LRIG3: variants seen among roughly 807,000 people sequenced by gnomAD.
LRIG3 encodes the protein leucine-rich repeats and immunoglobulin-like domains protein 3.
A neutral mutation model predicts 114.5 loss-of-function variants in LRIG3; 76 were observed. The observed-to-expected ratio is 0.66, with a 90% CI of 0.55 to 0.80. The LOEUF is 0.80. LRIG3 is among the 30% of genes least tolerant of loss of function. The probability of loss-of-function intolerance (pLI) is 0.00; values close to 1 mark genes in which losing one functional copy is unlikely to be tolerated. For missense variants in LRIG3, 1,239 were observed against 1,382.8 expected, an observed-to-expected ratio of 0.90 and a Z score of 1.65; for synonymous variants, 512 against 519.8, an observed-to-expected ratio of 0.98 and a Z score of 0.20.
intron 3 of LRIG3, among the ~76,000 whole-genome samples, chr12:58,904,712 A>T (rs537694757): frequency 2.6e-5 from 4 of 152,184 alleles, no homozygotes; most frequent in African/African-American, 9.6e-5. Flanking sequence ...AAAGTTACCC[A>T]TATATATTAA....
rs1209169079 is a variant in LRIG3 at position 58,872,780 on chromosome 12, T to A, written c.3152A>T (p.Asp1051Val). The A allele has an allele frequency of 6.2e-7, 1 of 1,614,030 alleles. No individual in the cohort carries two copies. Among genetic ancestry groups the A allele is most frequent in the Non-Finnish European group, 8.5e-7 (1 of 1,179,918 alleles). ...TGGCTGTCCAAAGCTTGAATAGGCA[T>A]CTAGGTGAGGTCTCCTGAGAGCTTT... ...FGKALRRPHL[D>V]AYSSFGQPSD... Residue 1051 changes from aspartate (D) to valine (V), a missense_variant, in exon 19 of 19, where the codon GAT (aspartate) becomes GTT (valine). Physicochemically the swap from Asp to Val is radical, Grantham distance 152. Transcript: ENST00000320743.
intron 3 of LRIG3, among the ~76,000 whole-genome samples, chr12:58,909,886 C>G (rs1872213020): frequency 6.6e-6 from 1 of 152,212 alleles, no homozygotes; most frequent in Non-Finnish European, 1.5e-5. Context: ...TTATCTGCCC[C>G]TCTAAACCAT....
Position 58,884,510 on chromosome 12 carries a change from C to T in LRIG3, c.1245-919G>A, listed in dbSNP as rs144748447. On this transcript the variant is annotated intron_variant, in intron 10 of 18. Transcript: ENST00000320743. The stretch of plus-strand genomic sequence containing the variant: ...ATACTCCACTGATCCACTAATTCCA[C>T]GTTCCCAGAAACGGAATGGGCCAAA... Among the ~76,000 whole-genome samples the T allele has an allele frequency of 2.4e-3, 368 of 152,336 alleles. 1 individual carries two copies. Among genetic ancestry groups the T allele is most frequent in the Non-Finnish European group, 3.8e-3 (257 of 68,026 alleles).
In LRIG3 at chr12:58,877,621, G is replaced by T; in HGVS notation, c.2315C>A (p.Thr772Asn). The change falls in exon 15 of 19, where the codon ACC becomes AAC. Residue 772 changes from threonine to asparagine, a missense_variant. By Grantham distance (65) the Thr-to-Asn change is moderately conservative. Transcript: ENST00000320743. Reference sequence around the variant, plus strand: ...CACGTTTCCTCTCTCAGTGCCAAGGGTGTTAGACATCTCACATGTGTATTT... The same window carrying T: ...CACGTTTCCTCTCTCAGTGCCAAGGTTGTTAGACATCTCACATGTGTATTT... ...AGKYTCEMSN[T>N]LGTERGNVRL... is the part of the protein sequence containing the mutation. 1 of 1,614,204 alleles carries T rather than the reference G, an allele frequency of 6.2e-7. No individual in the cohort carries two copies. The highest frequency in any genetic ancestry group is 1.1e-5 in the South Asian group (1 of 91,086).
intron 3 of LRIG3, among the ~76,000 whole-genome samples, chr12:58,910,987 T>G (rs1443268082): frequency 1.4e-5 from 2 of 147,630 alleles, no homozygotes; most frequent in Non-Finnish European, 2.9e-5. Context: ...TTCCAAAGAC[T>G]ATTCCACTTC....
At chr12:58,919,316 G>T in intron 1 of LRIG3, 1 of 1,460,926 alleles carries the variant, frequency 6.8e-7, no homozygotes, top group South Asian at 1.3e-5. Flanking sequence ...AAACCGTCTG[G>T]GCGTTCTGAG....
intron 7 of LRIG3, 43 bp downstream of exon 7, chr12:58,888,286 C>T (rs1474462020): frequency 1.3e-6 from 2 of 1,595,184 alleles, no homozygotes; most frequent in Non-Finnish European, 1.7e-6. Flanking sequence ...CTGGCATGAT[C>T]CCTGCTCTCA....
chr12:58,880,356 CTG>C (rs1871083074), intron 13 of LRIG3: 2 of 677,638 alleles, frequency 3.0e-6, no homozygotes. Context: ...TGGTTCATCT[CTG>C]TGTTACTCAC....
Position 58,888,408 on chromosome 12 carries a change from G to A in LRIG3, c.868C>T (p.Gln290Ter). The stretch of plus-strand genomic sequence containing the variant: ...GCATTTTGGCTGAGATGAAGTTCCT[G>A]CAGCATCAGCAAGCCGTAAAGCCAG... ...KGWLYGLLMLQELHLSQNAIN... is the reference protein window; with the variant it reads ...KGWLYGLLML The change falls in exon 7 of 19, where the codon CAG becomes TAG. Residue 290 changes from glutamine to a stop codon, truncating the protein, a stop_gained. Coordinates refer to ENST00000320743, the MANE Select transcript of LRIG3 (RefSeq NM_153377.5). LOFTEE classifies it high-confidence loss of function. 6.2e-7 allele frequency: 1 copy of A among 1,613,828 alleles called. No homozygotes were observed. Among genetic ancestry groups the A allele is most frequent in the Non-Finnish European group, 8.5e-7 (1 of 1,179,842 alleles).
Position 58,920,309 on chromosome 12 carries a change from G to T in LRIG3, c.-74C>A. 8.6e-7 allele frequency: 1 copy of T among 1,168,898 alleles called. No individual in the cohort carries two copies. The highest frequency in any genetic ancestry group is 1.1e-6 in the Non-Finnish European group (1 of 907,366). The allele number at this position is 1,168,898 out of a possible 1,614,324, so 72.4% of individuals were successfully genotyped here. A position where few individuals can be genotyped will look rare whatever the true frequency, so the allele number is the denominator to read the frequency against. Reference sequence around the variant, plus strand: ...GCTCGGGGCCCGGCACAAACTTCCAGCCGAGGGTGCACGCCCGCCCTCGCG... The same window carrying T: ...GCTCGGGGCCCGGCACAAACTTCCATCCGAGGGTGCACGCCCGCCCTCGCG... On this transcript the variant is annotated 5_prime_UTR_variant, in exon 1 of 19. In the 5' UTR this introduces an upstream ATG that the reference lacks. Coordinates refer to ENST00000320743, the MANE Select transcript of LRIG3 (RefSeq NM_153377.5).
At position 58,874,045 on chromosome 12, in the gene LRIG3, A is replaced by C. The variant is rs1870824387; in HGVS notation, c.3115+10T>G. The C allele has an allele frequency of 1.9e-6, 3 of 1,614,070 alleles. No homozygotes were observed. Among genetic ancestry groups the C allele is most frequent in the Non-Finnish European group, 2.5e-6 (3 of 1,179,968 alleles). On this transcript the variant is annotated intron_variant, in intron 18 of 18. Transcript: ENST00000320743. ...CTCAGACGAGGTACCTGATAACTTA[A>C]TAAACTTACCCATGAAAGAATTACT...
intron 3 of LRIG3, among the ~76,000 whole-genome samples, chr12:58,908,009 C>G (rs1872131333): frequency 2.0e-5 from 3 of 152,326 alleles, no homozygotes; most frequent in South Asian, 4.1e-4. Flanking sequence ...TCTACAATAA[C>G]TATAGTTAAT....
At chr12:58,899,245 A>C (rs2120941471) in intron 3 of LRIG3, among the ~76,000 whole-genome samples, 1 of 152,304 alleles carries the variant, frequency 6.6e-6, no homozygotes. Context: ...TTGAGACGTA[A>C]CTCAGTAGGT....
intron 12 of LRIG3, among the ~76,000 whole-genome samples, chr12:58,881,420 C>CAAA (rs376145825): frequency 3.1e-5 from 2 of 65,084 alleles, no homozygotes; most frequent in African/African-American, 1.0e-4. Flanking sequence ...TAGGTAGAGG[C>CAAA]AAAAAAAAAA....
chr12:58,887,063 A>C lies in LRIG3; in HGVS notation c.1092-173T>G, dbSNP rs564496892. On this transcript the variant is annotated intron_variant, in intron 8 of 18. Coordinates refer to ENST00000320743, the MANE Select transcript of LRIG3 (RefSeq NM_153377.5). ...CAACTTACCTCTTACACCCTGCCTG[A>C]TTCCCTCAACAACATTTTAAGTTTT... The C allele has an allele frequency of 1.2e-4, 64 of 541,858 alleles. No homozygotes were observed. The Admixed American group carries it at 1.4e-3, about 12-fold the overall frequency. 33.6% of individuals were successfully genotyped at this position (541,858 alleles called of 1,614,324 possible).
Position 58,888,077 on chromosome 12 carries a change from T to A in LRIG3, c.948-145A>T. ...ATAATATCCAAGTAAATATTTCTAA[T>A]ATCAGTAATTAAAAAAATACGTTCT... On this transcript the variant is annotated intron_variant, in intron 7 of 18. Transcript: ENST00000320743. 4 of 808,996 alleles carry A rather than the reference T, an allele frequency of 4.9e-6. No individual in the cohort carries two copies. The South Asian group carries it at 9.1e-5, about 18-fold the overall frequency. The allele number at this position is 808,996 out of a possible 1,614,324, so 50.1% of individuals were successfully genotyped here. A position where few individuals can be genotyped will look rare whatever the true frequency, so the allele number is the denominator to read the frequency against.
intron 3 of LRIG3, among the ~76,000 whole-genome samples, chr12:58,896,165 G>C (rs1871636016): frequency 6.6e-6 from 1 of 152,224 alleles, no homozygotes; most frequent in African/African-American, 2.4e-5. Flanking sequence ...TATAAGAACT[G>C]TGCTAGTTTG....
At position 58,874,037 on chromosome 12, in the gene LRIG3, A is replaced by G; in HGVS notation, c.3115+18T>C. The G allele has an allele frequency of 1.9e-6, 3 of 1,613,674 alleles. No individual in the cohort carries two copies. The highest frequency in any genetic ancestry group is 2.5e-6 in the Non-Finnish European group (3 of 1,179,726). Reference sequence around the variant, plus strand: ...TATGGATCCTCAGACGAGGTACCTGATAACTTAATAAACTTACCCATGAAA... The same window carrying G: ...TATGGATCCTCAGACGAGGTACCTGGTAACTTAATAAACTTACCCATGAAA... On this transcript the variant is annotated intron_variant, in intron 18 of 18. Coordinates refer to ENST00000320743, the MANE Select transcript of LRIG3 (RefSeq NM_153377.5).
intron 3 of LRIG3, among the ~76,000 whole-genome samples, chr12:58,893,838 C>G (rs922751991): frequency 6.6e-6 from 1 of 152,200 alleles, no homozygotes; most frequent in African/African-American, 2.4e-5. Flanking sequence ...AGCCCTATCT[C>G]CCTTCAAACT....
Sources: allele counts gnomAD v4.1 joint callset (sites outside exome capture counted in the v4.1 genomes callset), GRCh38; gene constraint gnomAD v4.1.1; transcripts MANE v1.5; gene names NCBI Gene and HGNC (gene_info 2026-07-23, HGNC 2026-07-21).